Variants in PLEKHG3 observed in about 807,000 individuals in gnomAD.
PLEKHG3 encodes pleckstrin homology domain-containing family G member 3.
A neutral mutation model predicts 94.9 loss-of-function variants in PLEKHG3; 62 were observed. That is an observed-to-expected ratio of 0.65 (90% CI 0.53 to 0.81). The LOEUF (loss-of-function observed/expected upper bound fraction) is 0.81, where lower values mean the gene tolerates loss of function less well. PLEKHG3 is among the 30% of genes least tolerant of loss of function. PLEKHG3 has a pLI of 0.00. For synonymous variants in PLEKHG3, 614 were observed against 654.0 expected, an observed-to-expected ratio of 0.94 and a Z score of 0.93; for missense variants, 1,461 against 1,619.3, an observed-to-expected ratio of 0.90 and a Z score of 1.68.
Position 64,750,096 on chromosome 14 carries a change from C to T in PLEKHG3, c.*6393C>T. On this transcript the variant is annotated 3_prime_UTR_variant, in exon 17 of 17. Transcript: ENST00000247226. Reference sequence around the variant, plus strand: ...GGCATCCCCAGGGCCAGGTTCTTGGCATCCTTGTAGAAGGTTAGCTCACTG... The same window carrying T: ...GGCATCCCCAGGGCCAGGTTCTTGGTATCCTTGTAGAAGGTTAGCTCACTG... 6.2e-7 allele frequency: 1 copy of T among 1,614,194 alleles called. No homozygotes were observed. Among genetic ancestry groups the T allele is most frequent in the Non-Finnish European group, 8.5e-7 (1 of 1,180,026 alleles).
intron 13 of PLEKHG3, 116 bp downstream of exon 13, chr14:64,737,007 GAGGGA>G: frequency 1.2e-6 from 1 of 831,578 alleles, no homozygotes; most frequent in East Asian, 2.5e-5. Context: ...GAATAGTGTA[GAGGGA>G]ACTCTGCCTC....
chr14:64,705,019 C>T (rs1476563599), intron 1 of PLEKHG3, among the ~76,000 whole-genome samples: 7 of 152,236 alleles, frequency 4.6e-5, no homozygotes. Flanking sequence ...TCCAGGAAGC[C>T]CGCGAGGCCG....
intron 1 of PLEKHG3, among the ~76,000 whole-genome samples, chr14:64,705,119 C>T (rs915621041): frequency 6.6e-5 from 10 of 152,204 alleles, no homozygotes; most frequent in African/African-American, 2.4e-4. Flanking sequence ...CTCCTGCCAG[C>T]CCCGGAGGCG....
At chr14:64,707,854 T>G (rs148751086) in intron 1 of PLEKHG3, among the ~76,000 whole-genome samples, 1 of 152,342 alleles carries the variant, frequency 6.6e-6, no homozygotes, top group African/African-American at 2.4e-5. Flanking sequence ...TAAATTCCTT[T>G]GAGCTGTGTT....
chr14:64,738,573 G>A lies in PLEKHG3; in HGVS notation c.1405-169G>A, dbSNP rs534014507. On this transcript the variant is annotated intron_variant, in intron 14 of 16. Coordinates refer to ENST00000247226, the MANE Select transcript of PLEKHG3 (RefSeq NM_001308147.2). This position sits in a 1 kb window ranked among gnomAD's most constrained non-coding sequence, Gnocchi z 4.8. ...AGCTGCATGCCTGACAAGGCTTTCCGCAGCCCCAGGCCTGGCAGTTCAGGT... is the reference window on the plus strand; with the variant it reads ...AGCTGCATGCCTGACAAGGCTTTCCACAGCCCCAGGCCTGGCAGTTCAGGT... 1.3e-5 allele frequency among the ~76,000 whole-genome samples: 2 copies of A among 152,324 alleles called. No individual in the cohort carries two copies. The highest frequency in any genetic ancestry group is 3.9e-4 in the East Asian group (2 of 5,182).
Position 64,716,425 on chromosome 14 carries a change from T to C in PLEKHG3, c.-39-11168T>C, listed in dbSNP as rs548194120. ...GGAGTTGAGTGGTTAGAGAAGGTCATGTAGGGCCCTACACACACACACACA... is the reference window on the plus strand; with the variant it reads ...GGAGTTGAGTGGTTAGAGAAGGTCACGTAGGGCCCTACACACACACACACA... On this transcript the variant is annotated intron_variant, in intron 1 of 16. Transcript: ENST00000247226. The surrounding 1 kb of genome is among the most constrained non-coding windows in gnomAD (Gnocchi z 5.0). Among the ~76,000 whole-genome samples, 20 of 138,202 alleles carry C rather than the reference T, an allele frequency of 1.4e-4. No homozygotes were observed. The South Asian group carries it at 4.6e-3, about 32-fold the overall frequency. 90.7% of individuals were successfully genotyped at this position (138,202 alleles called of 152,430 possible).
At chr14:64,737,884 T>C in intron 14 of PLEKHG3, 1 of 1,206,072 alleles carries the variant, frequency 8.3e-7, no homozygotes, top group Non-Finnish European at 1.1e-6. Flanking sequence ...GCTGGAACCC[T>C]CCTGGACTTT....
intron 3 of PLEKHG3, among the ~76,000 whole-genome samples, chr14:64,729,964 G>T (rs2081427927): frequency 6.6e-6 from 1 of 152,182 alleles, no homozygotes; most frequent in South Asian, 2.1e-4. Context: ...CTGCAGAGGA[G>T]CTGTGTCCCC....
intron 15 of PLEKHG3, 38 bp from the exon 16 acceptor site, chr14:64,740,998 G>T: frequency 6.7e-7 from 1 of 1,498,014 alleles, no homozygotes; most frequent in South Asian, 1.3e-5. Flanking sequence ...CATGAAGGAG[G>T]CTTTTTACTC....
At chr14:64,713,760 A>G (rs905147248) in intron 1 of PLEKHG3, among the ~76,000 whole-genome samples, 9 of 145,010 alleles carry the variant, frequency 6.2e-5, no homozygotes, top group East Asian at 2.0e-4. Flanking sequence ...ACCTTCCCCC[A>G]TTTCCTTTTT....
intron 1 of PLEKHG3, among the ~76,000 whole-genome samples, chr14:64,714,258 G>A (rs375054263): frequency 6.6e-6 from 1 of 152,124 alleles, no homozygotes; most frequent in Admixed American, 6.5e-5. Flanking sequence ...TGAGGTCTGG[G>A]GCATATGAGA....
At chr14:64,710,328 A>G (rs1014662095) in intron 1 of PLEKHG3, among the ~76,000 whole-genome samples, 3 of 152,210 alleles carry the variant, frequency 2.0e-5, no homozygotes, top group African/African-American at 7.2e-5. Context: ...TAACTTCTAC[A>G]TATAAGCTAT....
rs1177912723 is a variant in PLEKHG3 at position 64,743,326 on chromosome 14, G to C, written c.3283G>C (p.Val1095Leu). Reference sequence around the variant, plus strand: ...GGTAGAGCCACCTCTGTCGGGCAGGGTGGGCCGCTGCCGCAGCCTGAGCAC... The same window carrying C: ...GGTAGAGCCACCTCTGTCGGGCAGGCTGGGCCGCTGCCGCAGCCTGAGCAC... ...NMVEPPLSGR[V>L]GRCRSLSTKR... is the part of the protein sequence containing the mutation. Residue 1095 changes from valine (V) to leucine (L), a missense_variant, in exon 17 of 17, where the codon GTG becomes CTG. Around this residue, in one of 3 missense-constraint regions of PLEKHG3, gnomAD observed 1,201 missense variants for 1,295.5 expected, o/e 0.93. Coordinates refer to ENST00000247226, the MANE Select transcript of PLEKHG3 (RefSeq NM_001308147.2). The surrounding 1 kb of genome is among the most constrained non-coding windows in gnomAD (Gnocchi z 7.2). The C allele has an allele frequency of 6.2e-7, 1 of 1,607,588 alleles. No individual in the cohort carries two copies. The highest frequency in any genetic ancestry group is 1.3e-5 in the African/African-American group (1 of 74,896).
At position 64,736,830 on chromosome 14, in the gene PLEKHG3, T is replaced by C. The variant is rs748867952; in HGVS notation, c.1346-23T>C. 2.5e-6 allele frequency: 4 copies of C among 1,604,018 alleles called. No homozygotes were observed. In the South Asian group the frequency reaches 3.3e-5, roughly 13 times the overall value. ...CAGCAGTTTCCTGGCCCGCGCTGAC[T>C]CTGCTCATGCTTTCCTCCTCAGAGC... is the stretch of plus-strand genomic sequence containing the variant. On this transcript the variant is annotated intron_variant, in intron 12 of 16. Coordinates refer to ENST00000247226, the MANE Select transcript of PLEKHG3 (RefSeq NM_001308147.2).
rs1428612690 is a variant in PLEKHG3, at chr14:64,730,795, C to T, written c.567-4C>T. 6.2e-7 allele frequency: 1 copy of T among 1,612,962 alleles called. No individual in the cohort carries two copies. The highest frequency in any genetic ancestry group is 8.5e-7 in the Non-Finnish European group (1 of 1,179,280). On this transcript the variant is annotated splice_region_variant and splice_polypyrimidine_tract_variant and intron_variant, in intron 5 of 16. Coordinates refer to ENST00000247226, the MANE Select transcript of PLEKHG3 (RefSeq NM_001308147.2). The surrounding 1 kb of genome is among the most constrained non-coding windows in gnomAD (Gnocchi z 5.4). ...GTGGTGACTGGCCCTTCTCCCACTC[C>T]CAGCTCCGTGGCCGCCCTGACGGAA...
In PLEKHG3 at chr14:64,738,700, T is replaced by C; in HGVS notation, c.1405-42T>C. On this transcript the variant is annotated intron_variant, in intron 14 of 16. Transcript: ENST00000247226. This position sits in a 1 kb window ranked among gnomAD's most constrained non-coding sequence, Gnocchi z 4.8. ...TGTTGGGATGCAGAAGGGATCAGCT[T>C]CCAGTTGTCTTGGAGTTGATGACTG... The C allele has an allele frequency of 7.4e-7, 1 of 1,356,576 alleles. No individual in the cohort carries two copies. The highest frequency in any genetic ancestry group is 1.0e-6 in the Non-Finnish European group (1 of 968,420). The allele number at this position is 1,356,576 out of a possible 1,614,324, so 84.0% of individuals were successfully genotyped here.
At position 64,746,861 on chromosome 14, in the gene PLEKHG3, T is replaced by G. The variant is rs2081852585; in HGVS notation, c.*3158T>G. On this transcript the variant is annotated 3_prime_UTR_variant, in exon 17 of 17. Coordinates refer to ENST00000247226, the MANE Select transcript of PLEKHG3 (RefSeq NM_001308147.2). This position sits in a 1 kb window ranked among gnomAD's most constrained non-coding sequence, Gnocchi z 4.9. Reference sequence around the variant, plus strand: ...CTGTGTCAACCTCGTTTGGGAATACTGTCAAAAGACTGTAGAGTAGAATAA... The same window carrying G: ...CTGTGTCAACCTCGTTTGGGAATACGGTCAAAAGACTGTAGAGTAGAATAA... The G allele has an allele frequency of 6.6e-6, 1 of 151,840 alleles. No homozygotes were observed. 9.4% of individuals were successfully genotyped at this position (151,840 alleles called of 1,614,324 possible).
At position 64,732,288 on chromosome 14, in the gene PLEKHG3, A is replaced by G; in HGVS notation, c.1212+107A>G. Reference sequence around the variant, plus strand: ...CTTCTGGATTTGGGCTCCAGTGGACAGTGAGTGTCAGTACAGCAGATGCCC... The same window carrying G: ...CTTCTGGATTTGGGCTCCAGTGGACGGTGAGTGTCAGTACAGCAGATGCCC... On this transcript the variant is annotated intron_variant, in intron 10 of 16. Transcript: ENST00000247226. The surrounding 1 kb of genome is among the most constrained non-coding windows in gnomAD (Gnocchi z 4.9). 8.1e-7 allele frequency: 1 copy of G among 1,229,638 alleles called. No homozygotes were observed. Among genetic ancestry groups the G allele is most frequent in the Non-Finnish European group, 1.2e-6 (1 of 831,990 alleles). The allele number at this position is 1,229,638 out of a possible 1,614,324, so 76.2% of individuals were successfully genotyped here.
In PLEKHG3 at chr14:64,749,359, G is replaced by A; in HGVS notation, c.*5656G>A. 5 of 1,610,722 alleles carry A rather than the reference G, an allele frequency of 3.1e-6. No homozygotes were observed. The highest frequency in any genetic ancestry group is 4.2e-6 in the Non-Finnish European group (5 of 1,179,696). Reference sequence around the variant, plus strand: ...CTCTTCTCCTTGTCTTTCTTGCCGAGGCTGGCGTCGGGGCCGGAGAGGGAA... The same window carrying A: ...CTCTTCTCCTTGTCTTTCTTGCCGAAGCTGGCGTCGGGGCCGGAGAGGGAA... On this transcript the variant is annotated 3_prime_UTR_variant, in exon 17 of 17. Transcript: ENST00000247226. This position sits in a 1 kb window ranked among gnomAD's most constrained non-coding sequence, Gnocchi z 4.7.
Sources: allele counts gnomAD v4.1 joint callset (sites outside exome capture counted in the v4.1 genomes callset), GRCh38; gene constraint gnomAD v4.1.1; regional missense constraint gnomAD v4.1.1; non-coding constraint Gnocchi (gnomAD v3.1); transcripts MANE v1.5; gene names NCBI Gene and HGNC (gene_info 2026-07-23, HGNC 2026-07-21).